PLAT: variants seen among roughly 807,000 people sequenced by gnomAD.
PLAT encodes tissue-type plasminogen activator.
In PLAT, 48 loss-of-function variants were observed where a neutral mutation model predicts 74.9. The observed-to-expected ratio is 0.64, with a 90% CI of 0.51 to 0.82. The LOEUF (loss-of-function observed/expected upper bound fraction) is 0.82, where lower values mean the gene tolerates loss of function less well. Ranked by LOEUF, PLAT falls within the 40% of genes least tolerant of loss-of-function variation. The pLI, the probability that PLAT is intolerant of heterozygous loss-of-function variation, is 0.00. For synonymous variants in PLAT, 307 were observed against 294.4 expected (o/e 1.04, Z -0.44); for missense variants, 673 against 736.2 (o/e 0.91, Z 0.99).
At chr8:42,186,711 C>T (rs1805471499) in intron 6 of PLAT, 1 of 152,166 alleles carries the variant, frequency 6.6e-6, no homozygotes, top group Non-Finnish European at 1.5e-5. Flanking sequence ...CTCTCTATTT[C>T]TCTCTCCTCT....
At position 42,179,010 on chromosome 8, in the gene PLAT, A is replaced by T. The variant is rs759553227; in HGVS notation, c.1417T>A (p.Ser473Thr). ...LKEAHVRLYPSSRCTSQHLLN... is the reference protein window; with the variant it reads ...LKEAHVRLYPTSRCTSQHLLN... ...AAATGTTGTGATGTGCAGCGGCTGG[A>T]TGGGTACAGTCTGACATGAGCCTCC... is the stretch of plus-strand genomic sequence containing the variant. The change falls in exon 13 of 14, where the codon TCC (serine) becomes ACC (threonine). Residue 473 changes from serine (S) to threonine (T), a missense_variant. By Grantham distance (58) the Ser-to-Thr change is moderately conservative (BLOSUM62 1). Coordinates refer to ENST00000220809, the MANE Select transcript of PLAT (RefSeq NM_000930.5). 6.2e-7 allele frequency: 1 copy of T among 1,613,616 alleles called. No individual in the cohort carries two copies. The highest frequency in any genetic ancestry group is 1.7e-5 in the Admixed American group (1 of 60,032).
At chr8:42,186,027 A>G (rs959995210) in intron 6 of PLAT, 3 of 151,900 alleles carry the variant, frequency 2.0e-5, no homozygotes, top group South Asian at 2.1e-4. Flanking sequence ...ATAAATGTCT[A>G]TCTATCTAGT....
intron 1 of PLAT, among the ~76,000 whole-genome samples, chr8:42,194,241 A>AGAGAGAGAGAGAGAGTGTGTGT (rs1419569830): frequency 1.9e-5 from 1 of 52,544 alleles, no homozygotes; most frequent in African/African-American, 6.7e-5. Context: ...AGAGAGAGAG[A>AGAGAGAGAGAGAGAGTGTGTGT]GTGTGTGTGT....
In PLAT at chr8:42,203,992, T is replaced by TACACAC. The variant is rs775189467; in HGVS notation, c.-27+3496_-27+3501dup. ...AATTATATATATATATATATATATA[T>TACACAC]ACACACACACACACACACACACACA... On this transcript the variant is annotated intron_variant, in intron 1 of 13. Coordinates refer to ENST00000220809, the MANE Select transcript of PLAT (RefSeq NM_000930.5). Among the ~76,000 whole-genome samples, 104 of 109,840 alleles carry TACACAC rather than the reference T, an allele frequency of 9.5e-4. 2 individuals are homozygous for TACACAC. The highest frequency in any genetic ancestry group is 3.3e-3 in the East Asian group (13 of 3,984). 72.1% of individuals were successfully genotyped at this position (109,840 alleles called of 152,430 possible).
intron 1 of PLAT, among the ~76,000 whole-genome samples, chr8:42,198,360 C>T (rs769027362): frequency 6.6e-6 from 1 of 152,216 alleles, no homozygotes; most frequent in African/African-American, 2.4e-5. Flanking sequence ...GGCATGGTGG[C>T]GGGCGCCTAT....
rs1477009336 is a variant in PLAT at position 42,180,361 on chromosome 8, AGGT to A, written c.1100_1102del (p.His367del). 6.2e-7 allele frequency: 1 copy of A among 1,614,142 alleles called. No homozygotes were observed. Among genetic ancestry groups the A allele is most frequent in the African/African-American group, 1.3e-5 (1 of 74,960 alleles). The stretch of plus-strand genomic sequence containing the variant: ...GTATGTTCTGCCCAAGATCACCGTC[AGGT>A]GGTGGGGCGGAAACCTGGTGGAGAA... On this transcript the variant is annotated inframe_deletion, in exon 11 of 14. Transcript: ENST00000220809.
At position 42,190,186 on chromosome 8, in the gene PLAT, C is replaced by T. The variant is rs576527867; in HGVS notation, c.116-1115G>A. Among the ~76,000 whole-genome samples the T allele has an allele frequency of 5.3e-5, 8 of 152,202 alleles. 1 individual carries two copies. The East Asian group carries it at 9.6e-4, about 18-fold the overall frequency. On this transcript the variant is annotated intron_variant, in intron 3 of 13. Transcript: ENST00000220809. ...TGGGCTAAAGCCATCCTCCTGGATC[C>T]GCCTCCTAAAGTGCTGGAGTTACAG...
In PLAT at chr8:42,180,618, G is replaced by A. The variant is rs1805200594; in HGVS notation, c.957C>T (p.Ile319=). Residue 319 remains isoleucine, a synonymous_variant, in exon 10 of 14, where the codon ATC becomes ATT. Coordinates refer to ENST00000220809, the MANE Select transcript of PLAT (RefSeq NM_000930.5). ...TGGCAGCCTGCCAGGGGTGGGAGGC[G>A]ATGTCGGCGAAGAGCCCTCCTTTGA... The part of the protein sequence containing the change: ...FRIKGGLFAD[I]ASHPWQAAIF... 8 of 1,612,170 alleles carry A rather than the reference G, an allele frequency of 5.0e-6. No homozygotes were observed. In the East Asian group the frequency reaches 6.7e-5, roughly 13 times the overall value.
chr8:42,180,104 C>A, intron 11 of PLAT, 38 bp from the exon 12 acceptor site: 1 of 1,591,254 alleles, frequency 6.3e-7, no homozygotes, highest in Non-Finnish European at 8.6e-7. Context: ...GGCGTGAGGG[C>A]CGCGTCCCCG....
rs780104546 is a variant in PLAT at position 42,189,071 on chromosome 8, A to T, written c.116T>A (p.Val39Glu). The T allele has an allele frequency of 6.2e-7, 1 of 1,612,016 alleles. No individual in the cohort carries two copies. Among genetic ancestry groups the T allele is most frequent in the Admixed American group, 1.7e-5 (1 of 60,006 alleles). Residue 39 changes from valine (V) to glutamate (E), a missense_variant and splice_region_variant, in exon 4 of 14, where the codon GTG becomes GAG. Physicochemically the swap from Val to Glu is moderately radical, Grantham distance 121. Coordinates refer to ENST00000220809, the MANE Select transcript of PLAT (RefSeq NM_000930.5). Reference sequence around the variant, plus strand: ...CTGCGTTTTTTCATCTCTGCAGATCACTATGAGAAAAGACAGGCCAGCCTC... The same window carrying T: ...CTGCGTTTTTTCATCTCTGCAGATCTCTATGAGAAAAGACAGGCCAGCCTC... Reference protein sequence around the residue: ...RFRRGARSYQVICRDEKTQMI... With the variant: ...RFRRGARSYQEICRDEKTQMI...
chr8:42,205,913 C>G (rs1218884798), intron 1 of PLAT, among the ~76,000 whole-genome samples: 1 of 152,224 alleles, frequency 6.6e-6, no homozygotes, highest in Non-Finnish European at 1.5e-5. Flanking sequence ...GAGTGCCTGA[C>G]TGTTTTTTGG....
chr8:42,186,185 G>A (rs2129736683), intron 6 of PLAT: 1 of 149,526 alleles, frequency 6.7e-6, no homozygotes, highest in Non-Finnish European at 1.5e-5. Context: ...TCTCTACAAG[G>A]ACATTCCTTG....
intron 1 of PLAT, among the ~76,000 whole-genome samples, chr8:42,194,050 C>CTTTTTTTTTTTTTTTTTTTTTTTTTT (rs59850705): frequency 9.4e-5 from 8 of 84,910 alleles, no homozygotes; most frequent in Non-Finnish European, 1.2e-4. Context: ...TTTCTTCTTT[C>CTTTTTTTTTTTTTTTTTTTTTTTTTT]TTTTTTTTTT....
At chr8:42,184,084 GCACAAGCCACCA>G (rs1805356460) in intron 7 of PLAT, among the ~76,000 whole-genome samples, 1 of 151,560 alleles carries the variant, frequency 6.6e-6, no homozygotes, top group Non-Finnish European at 1.5e-5. Context: ...GGGACCATAG[GCACAAGCCACCA>G]CACCTGACTA....
chr8:42,201,502 G>A (rs1047633504), intron 1 of PLAT, among the ~76,000 whole-genome samples: 4 of 152,072 alleles, frequency 2.6e-5, no homozygotes, highest in Non-Finnish European at 5.9e-5. Flanking sequence ...GGTCCTCATG[G>A]ATCCCCGTTA....
At chr8:42,190,466 T>C (rs1017205791) in intron 3 of PLAT, among the ~76,000 whole-genome samples, 7 of 152,216 alleles carry the variant, frequency 4.6e-5, no homozygotes, top group Admixed American at 4.6e-4. Context: ...CAAGCCAGAA[T>C]GCCAACTTAA....
intron 1 of PLAT, among the ~76,000 whole-genome samples, chr8:42,193,915 C>G (rs371852220): frequency 6.6e-6 from 1 of 151,880 alleles, no homozygotes. Flanking sequence ...GGGGTTTCAC[C>G]GTGTTAGCCA....
At chr8:42,199,570 A>T (rs1198179345) in intron 1 of PLAT, among the ~76,000 whole-genome samples, 1 of 152,170 alleles carries the variant, frequency 6.6e-6, no homozygotes, top group African/African-American at 2.4e-5. Context: ...ACTCAGAAAA[A>T]GCTACAGCAG....
Position 42,175,854 on chromosome 8 carries a change from C to T in PLAT, c.*139G>A. On this transcript the variant is annotated 3_prime_UTR_variant, in exon 14 of 14. Transcript: ENST00000220809. ...AGTATCTGGGAAAATGCACTCTTCC[C>T]TCTCCTGTAGGGTCTCGTCCCGCTT... 1.3e-6 allele frequency: 1 copy of T among 745,496 alleles called. No individual in the cohort carries two copies. The highest frequency in any genetic ancestry group is 2.2e-6 in the Non-Finnish European group (1 of 457,574). 46.2% of individuals were successfully genotyped at this position (745,496 alleles called of 1,614,324 possible).
Sources: gnomAD v4.1 joint callset for allele counts (sites outside exome capture counted in the v4.1 genomes callset) on GRCh38, gnomAD v4.1.1 for gene constraint, MANE v1.5 for transcripts, NCBI Gene and HGNC (gene_info 2026-07-23, HGNC 2026-07-21) for gene names.